PHACTR2: variants seen among roughly 807,000 people sequenced by gnomAD.
PHACTR2 encodes the protein chromosome 6 open reading frame 56.
In PHACTR2, 30 loss-of-function variants were observed where a neutral mutation model predicts 76.0. The ratio of observed to expected loss-of-function variants is 0.39; its 90% CI spans 0.30 to 0.54. The LOEUF (loss-of-function observed/expected upper bound fraction) is 0.54, where lower values mean the gene tolerates loss of function less well. Among genes scored for constraint, PHACTR2 ranks in the 20% least tolerant of loss-of-function variants. PHACTR2 has a pLI of 0.61. For synonymous variants in PHACTR2, 292 were observed against 292.5 expected (o/e 1.00, Z 0.02); for missense variants, 696 against 781.1 (o/e 0.89, Z 1.30).
At chr6:143,677,772 G>A (rs1018076048), upstream of PHACTR2, among the ~76,000 whole-genome samples, 1 of 152,220 alleles carries the variant, frequency 6.6e-6, no homozygotes, top group African/African-American at 2.4e-5. Flanking sequence ...AGTCAAAGAG[G>A]AGTAGTCTGA....
At chr6:143,718,574 G>T (rs1778355035) in intron 2 of PHACTR2, among the ~76,000 whole-genome samples, 1 of 152,194 alleles carries the variant, frequency 6.6e-6, no homozygotes. Flanking sequence ...CTGTAAGAAG[G>T]ATTTTGTCTG....
rs73778644 is a variant in PHACTR2 at position 143,646,098 on chromosome 6, A to T, written c.13+37776A>T. Among the ~76,000 whole-genome samples the T allele has an allele frequency of 0.015, 2,342 of 152,292 alleles. 69 individuals carry two copies. Among genetic ancestry groups the T allele is most frequent in the African/African-American group, 0.052 (2,144 of 41,562 alleles). ...TAGAATACTTTTTTTAATATTTTAC[A>T]TCAAAATGTATATTCTCCAGTCCTT... On this transcript the variant is annotated intron_variant, in intron 1 of 11. Coordinates refer to the PHACTR2 transcript ENST00000305766. The surrounding 1 kb of genome is among the most constrained non-coding windows in gnomAD (Gnocchi z 4.1).
rs1776295586 is a variant in PHACTR2 at position 143,816,329 on chromosome 6, T to G, written c.1923-7345T>G. Reference sequence around the variant, plus strand: ...TACCGAGAAATAACAAACTGAAGAGTATTTTGCATTTTCAGTACCTCTAAC... The same window carrying G: ...TACCGAGAAATAACAAACTGAAGAGGATTTTGCATTTTCAGTACCTCTAAC... On this transcript the variant is annotated intron_variant, in intron 12 of 12. Coordinates refer to ENST00000440869, the MANE Select transcript of PHACTR2 (RefSeq NM_001100164.2). The surrounding 1 kb of genome is among the most constrained non-coding windows in gnomAD (Gnocchi z 4.5). Among the ~76,000 whole-genome samples the G allele has an allele frequency of 6.6e-6, 1 of 150,894 alleles. No homozygotes were observed. Among genetic ancestry groups the G allele is most frequent in the Non-Finnish European group, 1.5e-5 (1 of 67,664 alleles).
intron 2 of PHACTR2, among the ~76,000 whole-genome samples, chr6:143,725,981 G>T (rs535684083): frequency 1.2e-4 from 18 of 152,200 alleles, no homozygotes; most frequent in South Asian, 2.1e-4. Context: ...TCATGGAATA[G>T]ATGTACCACA....
At position 143,780,596 on chromosome 6, in the gene PHACTR2, C is replaced by A. The variant is rs1248491019; in HGVS notation, c.1646-2623C>A. ...TACTCCAATTGCTGGTATTTTTATA[C>A]TTTTCTTTCTTCTTTTAGCTCATCC... is the stretch of plus-strand genomic sequence containing the variant. On this transcript the variant is annotated intron_variant, in intron 9 of 12. Coordinates refer to ENST00000440869, the MANE Select transcript of PHACTR2 (RefSeq NM_001100164.2). The surrounding 1 kb of genome is among the most constrained non-coding windows in gnomAD (Gnocchi z 4.4). Among the ~76,000 whole-genome samples, 1 of 152,184 alleles carries A rather than the reference C, an allele frequency of 6.6e-6. No individual in the cohort carries two copies. Among genetic ancestry groups the A allele is most frequent in the African/African-American group, 2.4e-5 (1 of 41,438 alleles).
Position 143,627,147 on chromosome 6 carries a change from A to G in PHACTR2, c.13+18825A>G, listed in dbSNP as rs1776276008. On this transcript the variant is annotated intron_variant, in intron 1 of 11. Coordinates refer to the PHACTR2 transcript ENST00000305766. The surrounding 1 kb of genome is among the most constrained non-coding windows in gnomAD (Gnocchi z 4.3). ...ATGAACCAAACAAGTTAGAAGGTCC[A>G]GGAGGGAAGTGCCACTTGGTGATGT... is the stretch of plus-strand genomic sequence containing the variant. Among the ~76,000 whole-genome samples, 1 of 152,222 alleles carries G rather than the reference A, an allele frequency of 6.6e-6. No individual in the cohort carries two copies. Among genetic ancestry groups the G allele is most frequent in the African/African-American group, 2.4e-5 (1 of 41,458 alleles).
chr6:143,789,143 A>T lies in PHACTR2; in HGVS notation c.1845+233A>T. On this transcript the variant is annotated intron_variant, in intron 11 of 12. Coordinates refer to ENST00000440869, the MANE Select transcript of PHACTR2 (RefSeq NM_001100164.2). The surrounding 1 kb of genome is among the most constrained non-coding windows in gnomAD (Gnocchi z 5.1). ...TTTACCATATAACCTACCTGCTTTC[A>T]TACCTGGATGAGGAGGGCTTTCTCA... 5.5e-6 allele frequency: 2 copies of T among 361,052 alleles called. No homozygotes were observed. The highest frequency in any genetic ancestry group is 1.0e-5 in the Non-Finnish European group (2 of 196,872). 22.4% of individuals were successfully genotyped at this position (361,052 alleles called of 1,614,324 possible). A position where few individuals can be genotyped will look rare whatever the true frequency, so the allele number is the denominator to read the frequency against.
chr6:143,642,365 C>T (rs970683520), intron 1 of PHACTR2, among the ~76,000 whole-genome samples: 3 of 152,202 alleles, frequency 2.0e-5, no homozygotes, highest in Non-Finnish European at 4.4e-5. Context: ...GAACAATGAA[C>T]AACTATGGTA....
chr6:143,715,210 A>C (rs1778275793), intron 2 of PHACTR2, among the ~76,000 whole-genome samples: 1 of 152,180 alleles, frequency 6.6e-6, no homozygotes, highest in Non-Finnish European at 1.5e-5. Context: ...CCATTACTGA[A>C]CAGTCAGTCC....
chr6:143,711,125 A>T (rs973070858), intron 1 of PHACTR2: 10 of 501,246 alleles, frequency 2.0e-5, no homozygotes, highest in African/African-American at 2.0e-4. Flanking sequence ...GATAATTTCC[A>T]TCACCGCTAT....
chr6:143,816,793 C>T lies in PHACTR2; in HGVS notation c.1923-6881C>T, dbSNP rs180827282. Among the ~76,000 whole-genome samples, 989 of 152,176 alleles carry T rather than the reference C, an allele frequency of 6.5e-3. 11 individuals are homozygous for T. Among genetic ancestry groups the T allele is most frequent in the African/African-American group, 0.022 (901 of 41,514 alleles). ...AAAGATTATCTCTTCTGGCTGGGTG[C>T]GGTGGCTCATGCCTGTAATCCCAGC... On this transcript the variant is annotated intron_variant, in intron 12 of 12. Coordinates refer to ENST00000440869, the MANE Select transcript of PHACTR2 (RefSeq NM_001100164.2). This position sits in a 1 kb window ranked among gnomAD's most constrained non-coding sequence, Gnocchi z 4.5.
At chr6:143,714,097 CA>C (rs1164285765) in intron 2 of PHACTR2, among the ~76,000 whole-genome samples, 1 of 152,078 alleles carries the variant, frequency 6.6e-6, no homozygotes, top group East Asian at 1.9e-4. Flanking sequence ...TGGATATAAC[CA>C]AGAGAAAGTT....
At chr6:143,637,273 A>T (rs1329318690) in intron 1 of PHACTR2, among the ~76,000 whole-genome samples, 1 of 152,042 alleles carries the variant, frequency 6.6e-6, no homozygotes, top group African/African-American at 2.4e-5. Context: ...TTTCTAAGTT[A>T]ACCATTCTTT....
chr6:143,754,930 C>T lies in PHACTR2; in HGVS notation c.454+1018C>T, dbSNP rs1456260426. Among the ~76,000 whole-genome samples, 1 of 151,970 alleles carries T rather than the reference C, an allele frequency of 6.6e-6. No homozygotes were observed. Among genetic ancestry groups the T allele is most frequent in the African/African-American group, 2.4e-5 (1 of 41,356 alleles). Reference sequence around the variant, plus strand: ...TGTTCTTGACCCAGATCCTTGAGAGCGAAAGGGAAAAAAGATTATTTGATG... The same window carrying T: ...TGTTCTTGACCCAGATCCTTGAGAGTGAAAGGGAAAAAAGATTATTTGATG... On this transcript the variant is annotated intron_variant, in intron 4 of 12. Transcript: ENST00000440869. This position sits in a 1 kb window ranked among gnomAD's most constrained non-coding sequence, Gnocchi z 6.2.
Position 143,765,228 on chromosome 6 carries a change from T to C in PHACTR2, c.695-33T>C. ...TTTATTTTAAAAAGCATTGTATTCT[T>C]TGATTTTTTAATGCAAGGTCTCTCT... On this transcript the variant is annotated intron_variant, in intron 5 of 12. Transcript: ENST00000440869. This position sits in a 1 kb window ranked among gnomAD's most constrained non-coding sequence, Gnocchi z 4.1. The C allele has an allele frequency of 6.5e-7, 1 of 1,536,456 alleles. No individual in the cohort carries two copies.
chr6:143,604,930 C>T (rs189283456), upstream of PHACTR2, among the ~76,000 whole-genome samples: 48 of 149,778 alleles, frequency 3.2e-4, no homozygotes, highest in African/African-American at 1.1e-3. Flanking sequence ...GCAAGCAGAA[C>T]TTTTATAGGG....
chr6:143,817,820 G>A (rs1464880297), intron 12 of PHACTR2, among the ~76,000 whole-genome samples: 1 of 152,206 alleles, frequency 6.6e-6, no homozygotes, highest in Non-Finnish European at 1.5e-5. Context: ...TTGAAGTAGA[G>A]AGTAGACTAG....
chr6:143,544,240 G>GAGGGAGGGAGTGGGAAGGAAGGGAGGC (rs1781199484), intron 1 of PHACTR2, among the ~76,000 whole-genome samples: 2 of 146,208 alleles, frequency 1.4e-5, no homozygotes, highest in Admixed American at 6.7e-5. Flanking sequence ...AGGAGGGAGG[G>GAGGGAGGGAGTGGGAAGGAAGGGAGGC]AGGGAGGGAG....
chr6:143,727,209 G>A (rs1778592231), intron 2 of PHACTR2, among the ~76,000 whole-genome samples: 2 of 151,994 alleles, frequency 1.3e-5, no homozygotes, highest in African/African-American at 4.8e-5. Context: ...ACATGTATTT[G>A]TCTTCCTGTG....
Sources: allele counts gnomAD v4.1 joint callset (sites outside exome capture counted in the v4.1 genomes callset), GRCh38; gene constraint gnomAD v4.1.1; non-coding constraint Gnocchi (gnomAD v3.1); transcripts MANE v1.5; gene names NCBI Gene and HGNC (gene_info 2026-07-23, HGNC 2026-07-21).